ACER3: variants seen among roughly 807,000 people sequenced by gnomAD.
ACER3 encodes alkCDase 3.
A neutral mutation model predicts 48.9 loss-of-function variants in ACER3; 16 were observed. The ratio of observed to expected loss-of-function variants is 0.33; its 90% confidence interval spans 0.22 to 0.50. ACER3 has a LOEUF of 0.50. Among genes scored for constraint, ACER3 ranks in the 20% least tolerant of loss-of-function variants. The pLI, the probability that ACER3 is intolerant of heterozygous loss-of-function variation, is 0.98. For missense variants in ACER3, 227 were observed against 326.0 expected, an observed-to-expected ratio of 0.70 and a Z score of 2.34; for synonymous variants, 109 against 107.8, an observed-to-expected ratio of 1.01 and a Z score of -0.07.
chr11:76,941,200 C>G (rs1258757525), intron 2 of ACER3, among the ~76,000 whole-genome samples: 1 of 152,094 alleles, frequency 6.6e-6, no homozygotes, highest in Non-Finnish European at 1.5e-5. Flanking sequence ...CCCATAACAA[C>G]TGCTTAACTG....
At position 76,911,894 on chromosome 11, in the gene ACER3, C is replaced by T. The variant is rs548291577; in HGVS notation, c.104-14663C>T. ...TGGGGAAGGTCTTATAATTTGCTGC[C>T]TACCCCAATAGAGGCTAAAAGGAAA... is the stretch of plus-strand genomic sequence containing the variant. On this transcript the variant is annotated intron_variant, in intron 1 of 10. Coordinates refer to ENST00000532485, the MANE Select transcript of ACER3 (RefSeq NM_018367.7). Among the ~76,000 whole-genome samples, 4 of 152,274 alleles carry T rather than the reference C, an allele frequency of 2.6e-5. No homozygotes were observed. In the South Asian group the frequency reaches 6.2e-4, roughly 24 times the overall value.
At chr11:76,998,207 G>A (rs1948955461) in intron 6 of ACER3, among the ~76,000 whole-genome samples, 1 of 152,190 alleles carries the variant, frequency 6.6e-6, no homozygotes. Context: ...AGAAAGAAGA[G>A]CCAACGCTAG....
chr11:76,989,896 T>C (rs560040969), intron 5 of ACER3, among the ~76,000 whole-genome samples: 1 of 152,304 alleles, frequency 6.6e-6, no homozygotes, highest in African/African-American at 2.4e-5. Flanking sequence ...CCACATGACA[T>C]TGGAACCTAC....
intron 1 of ACER3, among the ~76,000 whole-genome samples, chr11:76,908,188 A>T (rs1946282261): frequency 6.6e-6 from 1 of 152,176 alleles, no homozygotes; most frequent in Admixed American, 6.5e-5. Flanking sequence ...GTGAGCTGAG[A>T]TCGTGCCACT....
At chr11:77,001,897 T>G (rs1949038803) in intron 7 of ACER3, among the ~76,000 whole-genome samples, 1 of 152,166 alleles carries the variant, frequency 6.6e-6, no homozygotes, top group Non-Finnish European at 1.5e-5. Context: ...TTTCTCACAG[T>G]TCTGGAGGCT....
chr11:76,902,114 T>C (rs1946096441), intron 1 of ACER3, among the ~76,000 whole-genome samples: 1 of 152,162 alleles, frequency 6.6e-6, no homozygotes, highest in Admixed American at 6.5e-5. Context: ...ATATTCTTTC[T>C]TCTCAATTTT....
intron 3 of ACER3, among the ~76,000 whole-genome samples, chr11:76,961,745 G>T (rs1428519598): frequency 1.3e-5 from 2 of 148,900 alleles, no homozygotes; most frequent in Non-Finnish European, 3.0e-5. Context: ...GTAACCCGAT[G>T]AGTAATATGG....
At chr11:77,014,592 C>T (rs1949329569) in intron 7 of ACER3, among the ~76,000 whole-genome samples, 2 of 152,196 alleles carry the variant, frequency 1.3e-5, no homozygotes, top group Non-Finnish European at 2.9e-5. Context: ...CTGCCTTTTC[C>T]ATGGGACCAA....
intron 1 of ACER3, among the ~76,000 whole-genome samples, chr11:76,913,537 ACGTCCC>A (rs1946440118): frequency 8.3e-6 from 1 of 120,420 alleles, no homozygotes; most frequent in Non-Finnish European, 2.2e-5. Flanking sequence ...ATTTTGAGAT[ACGTCCC>A]ATCAATACCT....
At chr11:76,980,492 T>C (rs115147735) in intron 4 of ACER3, among the ~76,000 whole-genome samples, 3,173 of 152,038 alleles carry the variant, frequency 0.021, 113 homozygotes, top group African/African-American at 0.073. Flanking sequence ...GCCTGGGCAG[T>C]ATAGTGAGAC....
chr11:76,977,779 G>A (rs1442840526), intron 4 of ACER3, among the ~76,000 whole-genome samples: 1 of 152,172 alleles, frequency 6.6e-6, no homozygotes, highest in Non-Finnish European at 1.5e-5. Flanking sequence ...GGGCACAGCT[G>A]CAGATGCCCA....
At chr11:76,963,896 A>G (rs1241725480) in intron 3 of ACER3, among the ~76,000 whole-genome samples, 1 of 151,476 alleles carries the variant, frequency 6.6e-6, no homozygotes, top group Non-Finnish European at 1.5e-5. Flanking sequence ...AGCGACACAG[A>G]AGACGGGTGA....
intron 2 of ACER3, among the ~76,000 whole-genome samples, chr11:76,945,252 C>G (rs1947442988): frequency 6.6e-6 from 1 of 152,002 alleles, no homozygotes; most frequent in African/African-American, 2.4e-5. Flanking sequence ...CTGTTGTGGT[C>G]CTCTGATGGT....
At chr11:76,925,072 A>G (rs1946791525) in intron 1 of ACER3, among the ~76,000 whole-genome samples, 1 of 152,092 alleles carries the variant, frequency 6.6e-6, no homozygotes, top group Non-Finnish European at 1.5e-5. Context: ...TCTTATAGAA[A>G]AAGGAAAGAC....
At position 76,908,357 on chromosome 11, in the gene ACER3, G is replaced by A. The variant is rs1376121241; in HGVS notation, c.104-18200G>A. 8.5e-5 allele frequency among the ~76,000 whole-genome samples: 13 copies of A among 152,192 alleles called. No homozygotes were observed. The East Asian group carries it at 1.4e-3, about 16-fold the overall frequency. On this transcript the variant is annotated intron_variant, in intron 1 of 10. Coordinates refer to ENST00000532485, the MANE Select transcript of ACER3 (RefSeq NM_018367.7). ...TGATTGTATATTAGAAAACCCCATCGTCTCAGCCCAAAAACTCCTTAAGCT... is the reference window on the plus strand; with the variant it reads ...TGATTGTATATTAGAAAACCCCATCATCTCAGCCCAAAAACTCCTTAAGCT...
intron 1 of ACER3, among the ~76,000 whole-genome samples, chr11:76,872,739 C>T (rs1044201674): frequency 2.0e-5 from 3 of 152,036 alleles, no homozygotes; most frequent in Admixed American, 6.6e-5. Flanking sequence ...GGTGAAGATA[C>T]CTAACATCTA....
intron 6 of ACER3, among the ~76,000 whole-genome samples, chr11:76,993,007 T>G (rs184520460): frequency 3.8e-4 from 58 of 152,180 alleles, no homozygotes; most frequent in African/African-American, 1.3e-3. Context: ...TAGCTGGGAT[T>G]ACAGGCACAC....
At chr11:76,931,033 T>C (rs936189036) in intron 2 of ACER3, among the ~76,000 whole-genome samples, 2 of 144,538 alleles carry the variant, frequency 1.4e-5, no homozygotes, top group African/African-American at 5.2e-5. Context: ...TAACTTTCTG[T>C]CTCGTTGATC....
At chr11:76,972,662 C>T (rs1948334727) in intron 3 of ACER3, among the ~76,000 whole-genome samples, 1 of 152,198 alleles carries the variant, frequency 6.6e-6, no homozygotes, top group South Asian at 2.1e-4. Flanking sequence ...CTCTATGCTG[C>T]TGTTTTCTGA....
Sources: gnomAD v4.1 joint callset for allele counts (sites outside exome capture counted in the v4.1 genomes callset) on GRCh38, gnomAD v4.1.1 for gene constraint, MANE v1.5 for transcripts, NCBI Gene and HGNC (gene_info 2026-07-23, HGNC 2026-07-21) for gene names.